The following DCN variants were observed in gnomAD, a reference collection of about 807,000 sequenced individuals.
DCN encodes decorin, also known as bone proteoglycan II.
DCN carries 17 observed loss-of-function variants against 36.5 expected under a neutral mutation model. The observed-to-expected ratio is 0.47, with a 90% CI of 0.32 to 0.70. The LOEUF (loss-of-function observed/expected upper bound fraction) is 0.70. Ranked by LOEUF, DCN falls within the 30% of genes least tolerant of loss-of-function variation. The pLI, the probability that DCN is intolerant of heterozygous loss-of-function variation, is 0.04. For missense variants in DCN, 389 were observed against 430.1 expected, an observed-to-expected ratio of 0.90 and a Z score of 0.84; for synonymous variants, 163 against 161.4, an observed-to-expected ratio of 1.01 and a Z score of -0.07.
intron 3 of DCN, among the ~76,000 whole-genome samples, chr12:91,164,187 A>G (rs1035102479): frequency 6.6e-5 from 10 of 151,898 alleles, no homozygotes; most frequent in African/African-American, 2.4e-4. Context: ...GGACACAGGA[A>G]GGGGAATATC....
chr12:91,159,879 T>C (rs1882050405), intron 3 of DCN, among the ~76,000 whole-genome samples: 1 of 152,108 alleles, frequency 6.6e-6, no homozygotes, highest in Non-Finnish European at 1.5e-5. Flanking sequence ...TCAATTATAG[T>C]ATATGTTTCG....
At chr12:91,167,476 C>A (rs934072316) in intron 2 of DCN, among the ~76,000 whole-genome samples, 2 of 150,708 alleles carry the variant, frequency 1.3e-5, no homozygotes, top group Non-Finnish European at 3.0e-5. Context: ...CAGACAGACA[C>A]ACACACACAC....
chr12:91,154,137 C>T (rs911762348), intron 5 of DCN, among the ~76,000 whole-genome samples: 3 of 152,058 alleles, frequency 2.0e-5, no homozygotes, highest in African/African-American at 7.2e-5. Context: ...TTCATTTTGT[C>T]TAAAATTTTT....
At position 91,166,620 on chromosome 12, in the gene DCN, A is replaced by G. The variant is rs570482446; in HGVS notation, c.212-1903T>C. On this transcript the variant is annotated intron_variant, in intron 2 of 7. Coordinates refer to ENST00000052754, the MANE Select transcript of DCN (RefSeq NM_001920.5). ...AACTTAAATTCTAGTGACTCTCAAC[A>G]TTTTGTCAATGCGAAACTGCAGATA... Among the ~76,000 whole-genome samples the G allele has an allele frequency of 3.3e-5, 5 of 152,266 alleles. No homozygotes were observed. The South Asian group carries it at 1.0e-3, about 32-fold the overall frequency.
intron 5 of DCN, among the ~76,000 whole-genome samples, chr12:91,155,711 T>G (rs1483819991): frequency 2.6e-5 from 4 of 152,140 alleles, no homozygotes. Flanking sequence ...GCACTGGGGA[T>G]AGCAAAAGAT....
At chr12:91,155,073 C>A (rs921168347) in intron 5 of DCN, among the ~76,000 whole-genome samples, 4 of 152,090 alleles carry the variant, frequency 2.6e-5, no homozygotes, top group African/African-American at 9.7e-5. Flanking sequence ...CCAGCCTAAG[C>A]AAGGTGGAAT....
intron 7 of DCN, 97 bp downstream of exon 7, chr12:91,151,557 A>T: frequency 6.9e-7 from 1 of 1,443,674 alleles, no homozygotes; most frequent in Non-Finnish European, 9.6e-7. Flanking sequence ...TGGAAAAAAA[A>T]CTTCTAAGAA....
intron 2 of DCN, among the ~76,000 whole-genome samples, chr12:91,167,478 C>CAT (rs1882649246): frequency 6.6e-6 from 1 of 151,728 alleles, no homozygotes; most frequent in Admixed American, 6.6e-5. Context: ...GACAGACACA[C>CAT]ACACACACAC....
intron 2 of DCN, chr12:91,172,809 G>A (rs899287953): frequency 1.0e-5 from 7 of 694,668 alleles, no homozygotes; most frequent in Non-Finnish European, 1.8e-5. Context: ...AGTCTACAAA[G>A]TATAAGGCAG....
In DCN at chr12:91,178,516, C is replaced by T. The variant is rs752822867; in HGVS notation, c.37G>A (p.Val13Ile). ...TGTTGAAACGGTCCAGCCCAGGAAA[C>T]TTGTGCAAGCAGAAGGAGGATGATA... ...ATIILLLLAQ[V>I]SWAGPFQQRG... is the part of the protein sequence containing the mutation. Residue 13 changes from valine to isoleucine, a missense_variant, in exon 2 of 8, where the codon GTT becomes ATT. Transcript: ENST00000052754. The T allele has an allele frequency of 1.9e-6, 3 of 1,613,688 alleles. No homozygotes were observed. In the East Asian group the frequency reaches 6.7e-5, roughly 36 times the overall value.
chr12:91,158,632 T>A, intron 3 of DCN, 123 bp from the exon 4 acceptor site: 7 of 696,206 alleles, frequency 1.0e-5, no homozygotes, highest in Admixed American at 7.0e-5. Flanking sequence ...TTGCAAGAAA[T>A]CAGAAAAAAA....
At chr12:91,165,840 C>A (rs1418679845) in intron 2 of DCN, among the ~76,000 whole-genome samples, 1 of 152,086 alleles carries the variant, frequency 6.6e-6, no homozygotes, top group African/African-American at 2.4e-5. Context: ...ACCTCTTGGG[C>A]ACCATGAATT....
chr12:91,172,676 CCTT>C, intron 2 of DCN: 1 of 668,336 alleles, frequency 1.5e-6, no homozygotes, highest in South Asian at 1.6e-5. Flanking sequence ...AGGCATGTTC[CCTT>C]CTCTTTGCAG....
intron 4 of DCN, 35 bp from the exon 5 acceptor site, chr12:91,157,223 A>C: frequency 6.9e-7 from 1 of 1,449,522 alleles, no homozygotes; most frequent in Non-Finnish European, 9.7e-7. Flanking sequence ...TTTTAGAGGA[A>C]ATTTTAGGAT....
rs1292443965 is a variant in DCN, at chr12:91,155,422, T to C, written c.652+1653A>G. ...AGCGGTAGTAAATAAAAGCAAGCTA[T>C]AAATGATGAGGAAAGAATACCTGGG... On this transcript the variant is annotated intron_variant, in intron 5 of 7. Transcript: ENST00000052754. Among the ~76,000 whole-genome samples, 4 of 152,158 alleles carry C rather than the reference T, an allele frequency of 2.6e-5. No homozygotes were observed. In the East Asian group the frequency reaches 5.8e-4, roughly 22 times the overall value.
At chr12:91,177,452 A>ATTTTTT in intron 2 of DCN, 1 of 635,354 alleles carries the variant, frequency 1.6e-6, no homozygotes, top group Non-Finnish European at 2.8e-6. Context: ...TGATATAAAG[A>ATTTTTT]TTTTTTTTTC....
intron 3 of DCN, among the ~76,000 whole-genome samples, chr12:91,164,273 A>G (rs1051872007): frequency 6.6e-6 from 1 of 151,554 alleles, no homozygotes; most frequent in Admixed American, 6.6e-5. Flanking sequence ...GCTAGATGAC[A>G]CGTTAGTGGG....
rs1310708536 is a variant in DCN at position 91,146,136 on chromosome 12, G to A, written c.1002C>T (p.Val334=). Residue 334 remains valine, a synonymous_variant, in exon 8 of 8, where the codon GTC becomes GTT. Transcript: ENST00000052754. The part of the protein sequence containing the change: ...YSGVSLFSNP[V]QYWEIQPSTF... ...TGGATGGCTGTATCTCCCAGTACTG[G>A]ACCGGGTTGCTGAAAAGACTCACAC... 6.2e-7 allele frequency: 1 copy of A among 1,613,830 alleles called. No individual in the cohort carries two copies. Among genetic ancestry groups the A allele is most frequent in the Non-Finnish European group, 8.5e-7 (1 of 1,179,868 alleles).
At chr12:91,152,945 G>C (rs1881528886) in intron 6 of DCN, 151 bp downstream of exon 6, 2 of 619,888 alleles carry the variant, frequency 3.2e-6, no homozygotes, top group South Asian at 3.8e-5. Context: ...AGAAATAATT[G>C]GATATGCTGA....
Sources: allele counts gnomAD v4.1 joint callset (sites outside exome capture counted in the v4.1 genomes callset), GRCh38; gene constraint gnomAD v4.1.1; transcripts MANE v1.5; gene names NCBI Gene and HGNC (gene_info 2026-07-23, HGNC 2026-07-21).